Variants in MYH7 observed in about 807,000 individuals in gnomAD.
MYH7 encodes the protein myosin heavy chain 7.
A neutral mutation model predicts 225.4 loss-of-function variants in MYH7; 129 were observed. That is an observed-to-expected ratio of 0.57 (90% CI 0.50 to 0.66). MYH7 has a LOEUF of 0.66. Among genes scored for constraint, MYH7 ranks in the 30% least tolerant of loss-of-function variants. The probability of loss-of-function intolerance (pLI) is 0.00; values close to 1 mark genes in which losing one functional copy is unlikely to be tolerated. For missense variants in MYH7, 1,649 were observed against 2,517.0 expected, an observed-to-expected ratio of 0.66 and a Z score of 7.38; for synonymous variants, 971 against 1,007.6, an observed-to-expected ratio of 0.96 and a Z score of 0.69.
chr14:23,420,381 T>G (rs554086403), intron 26 of MYH7, 147 bp from the exon 27 acceptor site: 6 of 1,494,304 alleles, frequency 4.0e-6, no homozygotes, highest in African/African-American at 1.4e-5. Context: ...TTGGGGAAGA[T>G]AGTTTGAAGA....
intron 24 of MYH7, 81 bp from the exon 25 acceptor site, chr14:23,422,406 G>A: frequency 6.3e-7 from 1 of 1,597,934 alleles, no homozygotes; most frequent in East Asian, 2.2e-5. Context: ...CTCAGGACTT[G>A]GTAAATCTTT....
In MYH7 at chr14:23,415,087, C is replaced by T; in HGVS notation, c.5467G>A (p.Glu1823Lys). ...TTCTGCTCGGCCTCCAGCTCATTCT[C>T]CAGCTCCCGCACCCGCGCTTCCAGC... Reference protein sequence around the residue: ...QKLEARVRELENELEAEQKRN... With the variant: ...QKLEARVRELKNELEAEQKRN... Residue 1823 changes from glutamate to lysine, a missense_variant, in exon 37 of 40, where the codon GAG becomes AAG. Transcript: ENST00000355349. The surrounding 1 kb of genome is among the most constrained non-coding windows in gnomAD (Gnocchi z 6.3). 6.2e-7 allele frequency: 1 copy of T among 1,613,944 alleles called. No individual in the cohort carries two copies. The highest frequency in any genetic ancestry group is 1.1e-5 in the South Asian group (1 of 91,088).
At position 23,434,220 on chromosome 14, in the gene MYH7, T is replaced by A; in HGVS notation, c.-35A>T. 1.9e-6 allele frequency: 2 copies of A among 1,028,898 alleles called. No individual in the cohort carries two copies. Among genetic ancestry groups the A allele is most frequent in the Non-Finnish European group, 2.3e-6 (2 of 855,404 alleles). The allele number at this position is 1,028,898 out of a possible 1,614,324, so 63.7% of individuals were successfully genotyped here. The stretch of plus-strand genomic sequence containing the variant: ...TGGGCTACTCAAGTGTGTCTACAGA[T>A]GAGGAAAGGGGCCAAGGCCTGCAGG... On this transcript the variant is annotated 5_prime_UTR_variant, in exon 2 of 40. Coordinates refer to ENST00000355349, the MANE Select transcript of MYH7 (RefSeq NM_000257.4).
chr14:23,417,437 C>T, intron 31 of MYH7, 66 bp downstream of exon 31: 2 of 1,612,002 alleles, frequency 1.2e-6, no homozygotes, highest in South Asian at 2.2e-5. Flanking sequence ...ATGGCTCTGG[C>T]CTCTCACTGA....
chr14:23,417,140 GC>G lies in MYH7; in HGVS notation c.4519+12del. 6.2e-7 allele frequency: 1 copy of G among 1,614,068 alleles called. No homozygotes were observed. ...GTGCAGCCCCTCCCCAGCCTCTTGG[GC>G]CCCCAGCACACCCTGCAGGTTTTTG... On this transcript the variant is annotated intron_variant, in intron 32 of 39. Transcript: ENST00000355349.
In MYH7 at chr14:23,418,316, C is replaced by T. The variant is rs755058300; in HGVS notation, c.4063G>A (p.Ala1355Thr). The T allele has an allele frequency of 6.2e-7, 1 of 1,613,752 alleles. No individual in the cohort carries two copies. The highest frequency in any genetic ancestry group is 8.5e-7 in the Non-Finnish European group (1 of 1,180,034). The change falls in exon 30 of 40, where the codon GCC becomes ACC. Residue 1355 changes from alanine to threonine, a missense_variant. By Grantham distance (58) the Ala-to-Thr change is moderately conservative (BLOSUM62 0). Transcript: ENST00000355349. ...EQYEEETEAK[A>T]ELQRVLSKAN... ...TTGGAAAGGACGCGCTGCAGCTCGG[C>T]CTTGGCCTCCGTCTCCTCCTCGTAC...
At chr14:23,434,843 C>A (rs1259013559) in intron 1 of MYH7, among the ~76,000 whole-genome samples, 3 of 152,118 alleles carry the variant, frequency 2.0e-5, no homozygotes, top group Non-Finnish European at 2.9e-5. Flanking sequence ...CATCACATAG[C>A]CAAACACCCT....
Position 23,423,494 on chromosome 14 carries a change from T to C in MYH7, c.3099+53A>G, listed in dbSNP as rs112835096. The C allele has an allele frequency of 8.5e-4, 1,255 of 1,468,418 alleles. 11 individuals are homozygous for C. In the African/African-American group the frequency reaches 0.016, roughly 18 times the overall value. The allele number at this position is 1,468,418 out of a possible 1,614,324, so 91.0% of individuals were successfully genotyped here. ...ACACACACACACACACACAGAGCTC[T>C]GGGCACAGATAGACATGGCATATCT... On this transcript the variant is annotated intron_variant, in intron 24 of 39. Coordinates refer to ENST00000355349, the MANE Select transcript of MYH7 (RefSeq NM_000257.4).
At chr14:23,419,704 G>T (rs1231681544) in intron 27 of MYH7, 95 bp from the exon 28 acceptor site, 2 of 1,610,870 alleles carry the variant, frequency 1.2e-6, no homozygotes, top group East Asian at 4.5e-5. Context: ...AAGAGGGAAG[G>T]TGTGAAAAGA....
rs368721414 is a variant in MYH7, at chr14:23,426,092, A to C, written c.2045-11T>G. ...GGTTGTCCATCACCCCTGTGGCAAG[A>C]AGGAAGTAGGAGGAGTCTGTGAGAA... On this transcript the variant is annotated splice_polypyrimidine_tract_variant and intron_variant, in intron 18 of 39. Coordinates refer to ENST00000355349, the MANE Select transcript of MYH7 (RefSeq NM_000257.4). The C allele has an allele frequency of 1.1e-5, 18 of 1,613,888 alleles. No homozygotes were observed. In the African/African-American group the frequency reaches 2.0e-4, roughly 18 times the overall value.
rs377491278 is a variant in MYH7, at chr14:23,427,773, C to T, written c.1700G>A (p.Arg567His). ...LGKSANFQKP[R>H]NIKGKPEAHF... Reference sequence around the variant, plus strand: ...GGCTTCAGGCTTCCCCTTGATATTGCGTGGCTTCTGGAAGTTGGCGGATTT... The same window carrying T: ...GGCTTCAGGCTTCCCCTTGATATTGTGTGGCTTCTGGAAGTTGGCGGATTT... Residue 567 changes from arginine to histidine, a missense_variant, in exon 16 of 40, where the codon CGC becomes CAC. Arg to His is a conservative substitution (Grantham distance 29, BLOSUM62 0). Transcript: ENST00000355349. 18 of 1,614,044 alleles carry T rather than the reference C, an allele frequency of 1.1e-5. No homozygotes were observed. The highest frequency in any genetic ancestry group is 1.6e-4 in the Middle Eastern group (1 of 6,084).
Position 23,421,022 on chromosome 14 carries a change from T to C in MYH7, c.3272A>G (p.Asn1091Ser), listed in dbSNP as rs903645509. The C allele has an allele frequency of 6.2e-7, 1 of 1,612,872 alleles. No individual in the cohort carries two copies. The highest frequency in any genetic ancestry group is 1.3e-5 in the African/African-American group (1 of 74,888). Residue 1091 changes from asparagine to serine, a missense_variant, in exon 26 of 40, where the codon AAC becomes AGC. Transcript: ENST00000355349. Reference sequence around the variant, plus strand: ...GGCCTGTTCATCCTCAATCCTTGCGTTGAGAGCATTCAGCTCAAAGTCTTT... The same window carrying C: ...GGCCTGTTCATCCTCAATCCTTGCGCTGAGAGCATTCAGCTCAAAGTCTTT... The part of the protein sequence containing the change: ...KKKDFELNAL[N>S]ARIEDEQALG...
chr14:23,420,793 C>T lies in MYH7; in HGVS notation c.3336+165G>A, dbSNP rs182958962. ...TCAGGGTCTCTGTGGATCACCTGAC[C>T]CCTTTTGGATGTATCCATGGGCACA... On this transcript the variant is annotated intron_variant, in intron 26 of 39. Transcript: ENST00000355349. 1.5e-3 allele frequency among the ~76,000 whole-genome samples: 225 copies of T among 152,278 alleles called. 1 individual carries two copies. Among genetic ancestry groups the T allele is most frequent in the Admixed American group, 3.4e-3 (52 of 15,302 alleles).
At chr14:23,430,217 C>T (rs952608084) in intron 11 of MYH7, among the ~76,000 whole-genome samples, 3 of 152,194 alleles carry the variant, frequency 2.0e-5, no homozygotes, top group Non-Finnish European at 4.4e-5. Flanking sequence ...GCCTTCCATA[C>T]CTGTCTGCAT....
intron 28 of MYH7, 58 bp from the exon 29 acceptor site, chr14:23,419,353 C>A: frequency 6.2e-7 from 1 of 1,612,654 alleles, no homozygotes. Context: ...CTCCTCTAGC[C>A]CTCAGGCCCC....
Position 23,423,598 on chromosome 14 carries a change from C to T in MYH7, c.3048G>A (p.Lys1016=). The T allele has an allele frequency of 6.2e-7, 1 of 1,614,050 alleles. No homozygotes were observed. Residue 1016 remains lysine (K), a synonymous_variant, in exon 24 of 40, where the codon AAG becomes AAA. Transcript: ENST00000355349. ...ALDDLQAEED[K]VNTLTKAKVK... is the part of the protein sequence containing the mutation. ...CTTTGGCCTTAGTCAGGGTGTTGAC[C>T]TTGTCCTCCTCGGCCTGAAGGTCAT...
chr14:23,420,516 T>TA (rs1566528195), intron 26 of MYH7, among the ~76,000 whole-genome samples: 2 of 152,062 alleles, frequency 1.3e-5, no homozygotes, highest in South Asian at 2.1e-4. Flanking sequence ...AGTTTAGTCA[T>TA]AAAAAAATAA....
intron 4 of MYH7, 50 bp from the exon 5 acceptor site, chr14:23,432,845 TG>T: frequency 6.2e-7 from 1 of 1,609,890 alleles, no homozygotes; most frequent in South Asian, 1.1e-5. Context: ...GGGGGAGGGC[TG>T]GTGATTTTGG....
intron 30 of MYH7, 33 bp from the exon 31 acceptor site, chr14:23,417,719 G>A: frequency 1.2e-6 from 2 of 1,610,632 alleles, no homozygotes; most frequent in Non-Finnish European, 8.5e-7. Flanking sequence ...GGGTGGGGAG[G>A]ATGGAGGGTG....
Sources: gnomAD v4.1 joint callset for allele counts (sites outside exome capture counted in the v4.1 genomes callset) on GRCh38, gnomAD v4.1.1 for gene constraint, Gnocchi (gnomAD v3.1) non-coding constraint, MANE v1.5 for transcripts, NCBI Gene and HGNC (gene_info 2026-07-23, HGNC 2026-07-21) for gene names.